FSTL5: variants seen among roughly 807,000 people sequenced by gnomAD.
FSTL5 encodes the protein follistatin-related protein 5.
FSTL5 carries 62 observed loss-of-function variants against 89.1 expected under a neutral mutation model. The observed-to-expected ratio is 0.70, with a 90% CI of 0.57 to 0.86. The LOEUF (loss-of-function observed/expected upper bound fraction) is 0.86. FSTL5 is among the 40% of genes least tolerant of loss of function. The probability of loss-of-function intolerance (pLI) is 0.00; values close to 1 mark genes in which losing one functional copy is unlikely to be tolerated. For synonymous variants in FSTL5, 383 were observed against 346.2 expected, an observed-to-expected ratio of 1.11 and a Z score of -1.18; for missense variants, 1,057 against 1,001.6, an observed-to-expected ratio of 1.06 and a Z score of -0.75.
In FSTL5 at chr4:161,932,996, T is replaced by C. The variant is rs545358215; in HGVS notation, c.161-12344A>G. Among the ~76,000 whole-genome samples the C allele has an allele frequency of 2.0e-3, 307 of 152,254 alleles. 1 individual carries two copies. The highest frequency in any genetic ancestry group is 7.0e-3 in the African/African-American group (290 of 41,550). ...AACAATACAATACATCAAGAAATTA[T>C]CTTTTCATAAACATTTTAGTTTGCG... On this transcript the variant is annotated intron_variant, in intron 3 of 15. Transcript: ENST00000306100.
At chr4:161,731,598 G>A (rs111652912) in intron 6 of FSTL5, among the ~76,000 whole-genome samples, 5 of 151,926 alleles carry the variant, frequency 3.3e-5, no homozygotes, top group African/African-American at 9.7e-5. Flanking sequence ...CTGCAGAACC[G>A]TAAGTCAATT....
At chr4:161,438,506 T>A (rs1732650514) in intron 15 of FSTL5, among the ~76,000 whole-genome samples, 1 of 152,170 alleles carries the variant, frequency 6.6e-6, no homozygotes, top group Non-Finnish European at 1.5e-5. Flanking sequence ...GTCTTGCTGA[T>A]GATTAAAAAA....
intron 13 of FSTL5, among the ~76,000 whole-genome samples, chr4:161,470,120 T>C (rs1358848086): frequency 6.6e-6 from 1 of 152,230 alleles, no homozygotes; most frequent in East Asian, 1.9e-4. Context: ...GTCCAATTTA[T>C]GTAATTTTTC....
At chr4:161,950,943 G>C (rs1333490058) in intron 3 of FSTL5, among the ~76,000 whole-genome samples, 1 of 151,884 alleles carries the variant, frequency 6.6e-6, no homozygotes, top group Non-Finnish European at 1.5e-5. Context: ...GATATGGTTT[G>C]GCTGTGTCCC....
chr4:161,818,824 G>A (rs1730408908), intron 4 of FSTL5, among the ~76,000 whole-genome samples: 1 of 152,026 alleles, frequency 6.6e-6, no homozygotes, highest in Admixed American at 6.6e-5. Flanking sequence ...TATGATTTCT[G>A]TATCTACAGA....
chr4:161,647,298 T>C (rs1736185507), intron 7 of FSTL5, among the ~76,000 whole-genome samples: 1 of 152,294 alleles, frequency 6.6e-6, no homozygotes, highest in African/African-American at 2.4e-5. Flanking sequence ...TTCTAGAACA[T>C]CAATTGAACA....
intron 7 of FSTL5, among the ~76,000 whole-genome samples, chr4:161,617,670 G>C (rs1157600566): frequency 6.6e-6 from 1 of 152,150 alleles, no homozygotes; most frequent in Non-Finnish European, 1.5e-5. Context: ...TAATGAGATT[G>C]ACCACCACAT....
intron 6 of FSTL5, among the ~76,000 whole-genome samples, chr4:161,758,820 C>T (rs1396841753): frequency 1.3e-5 from 2 of 152,104 alleles, no homozygotes; most frequent in African/African-American, 4.8e-5. Context: ...TTAGCGGCCT[C>T]TTTGAATTAT....
intron 15 of FSTL5, among the ~76,000 whole-genome samples, chr4:161,396,292 CT>C (rs1247189299): frequency 2.0e-4 from 31 of 151,858 alleles, no homozygotes; most frequent in Admixed American, 2.0e-3. Flanking sequence ...AAGCAGTAGA[CT>C]AAATATACAC....
chr4:161,447,046 C>A (rs1732968729), intron 15 of FSTL5, among the ~76,000 whole-genome samples: 1 of 151,972 alleles, frequency 6.6e-6, no homozygotes, highest in South Asian at 2.1e-4. Context: ...GATGGACAAT[C>A]CTGTTTTACT....
chr4:161,993,362 TATA>T (rs1361543117), intron 3 of FSTL5, among the ~76,000 whole-genome samples: 2 of 152,016 alleles, frequency 1.3e-5, no homozygotes, highest in Non-Finnish European at 2.9e-5. Flanking sequence ...TTATGAGAAA[TATA>T]ATAAGGGCAT....
intron 6 of FSTL5, among the ~76,000 whole-genome samples, chr4:161,701,579 A>G (rs1553959576): frequency 6.6e-6 from 1 of 152,100 alleles, no homozygotes; most frequent in Non-Finnish European, 1.5e-5. Flanking sequence ...AACAAGTTTT[A>G]GATAAAATGA....
intron 3 of FSTL5, among the ~76,000 whole-genome samples, chr4:161,987,715 G>A (rs528633035): frequency 6.6e-6 from 1 of 150,654 alleles, no homozygotes; most frequent in Non-Finnish European, 1.5e-5. Context: ...AGAATCATGA[G>A]GAACATTCTT....
intron 13 of FSTL5, among the ~76,000 whole-genome samples, chr4:161,464,368 ATC>A (rs1279911263): frequency 1.3e-5 from 2 of 151,934 alleles, no homozygotes; most frequent in African/African-American, 4.8e-5. Flanking sequence ...CTTCCTCAAC[ATC>A]TTTGCTCATA....
chr4:162,119,933 T>C (rs915593942), intron 1 of FSTL5, among the ~76,000 whole-genome samples: 8 of 152,168 alleles, frequency 5.3e-5, no homozygotes, highest in African/African-American at 1.7e-4. Flanking sequence ...GTGCTCCATG[T>C]TGAAAGATTA....
chr4:161,658,778 A>C (rs1420793240), intron 6 of FSTL5, among the ~76,000 whole-genome samples: 1 of 152,220 alleles, frequency 6.6e-6, no homozygotes, highest in Non-Finnish European at 1.5e-5. Flanking sequence ...ATCACGTAAG[A>C]ATTATTAATA....
At chr4:161,862,543 GA>G (rs1731950992) in intron 4 of FSTL5, among the ~76,000 whole-genome samples, 1 of 152,060 alleles carries the variant, frequency 6.6e-6, no homozygotes, top group South Asian at 2.1e-4. Flanking sequence ...GACCATCCCA[GA>G]CAACATGGTG....
At chr4:162,060,304 C>A (rs747346928) in intron 2 of FSTL5, among the ~76,000 whole-genome samples, 2 of 151,924 alleles carry the variant, frequency 1.3e-5, no homozygotes, top group African/African-American at 2.4e-5. Context: ...GTGACTCAGT[C>A]GGTGAAACTA....
At chr4:161,707,419 C>A (rs73862376) in intron 6 of FSTL5, among the ~76,000 whole-genome samples, 3 of 151,458 alleles carry the variant, frequency 2.0e-5, no homozygotes, top group Admixed American at 2.0e-4. Flanking sequence ...AAATATGCTG[C>A]AAAGAGAAAG....
Sources: gnomAD v4.1 joint callset for allele counts (sites outside exome capture counted in the v4.1 genomes callset) on GRCh38, gnomAD v4.1.1 for gene constraint, MANE v1.5 for transcripts, NCBI Gene and HGNC (gene_info 2026-07-23, HGNC 2026-07-21) for gene names.